Variants in PRKG1 observed in about 807,000 individuals in gnomAD.
PRKG1 encodes the protein cGMP-dependent protein kinase 1.
Under a neutral mutation model 88.1 loss-of-function variants are expected in PRKG1, and 35 were observed. The ratio of observed to expected loss-of-function variants is 0.40; its 90% CI spans 0.30 to 0.53. The LOEUF is 0.53. PRKG1 is among the 20% of genes least tolerant of loss of function. PRKG1 has a pLI of 0.59. For synonymous variants in PRKG1, 303 were observed against 292.5 expected, an observed-to-expected ratio of 1.04 and a Z score of -0.37; for missense variants, 540 against 839.8, an observed-to-expected ratio of 0.64 and a Z score of 4.41.
At chr10:51,347,441 G>A (rs937944568) in intron 2 of PRKG1, among the ~76,000 whole-genome samples, 3 of 152,096 alleles carry the variant, frequency 2.0e-5, no homozygotes, top group Non-Finnish European at 4.4e-5. Flanking sequence ...TGGAACTCTT[G>A]ATACTTTTAT....
intron 3 of PRKG1, among the ~76,000 whole-genome samples, chr10:51,631,056 C>T (rs1213619695): frequency 2.6e-5 from 4 of 152,158 alleles, no homozygotes; most frequent in East Asian, 1.9e-4. Context: ...GTTGGATAGC[C>T]GGTCACCACA....
At chr10:51,924,109 G>A (rs1842521649) in intron 5 of PRKG1, among the ~76,000 whole-genome samples, 1 of 152,068 alleles carries the variant, frequency 6.6e-6, no homozygotes, top group African/African-American at 2.4e-5. Flanking sequence ...AAAGGCATGA[G>A]CCACCACACC....
chr10:51,077,511 C>T (rs959227913), intron 1 of PRKG1, among the ~76,000 whole-genome samples: 19 of 152,056 alleles, frequency 1.2e-4, no homozygotes, highest in South Asian at 6.2e-4. Context: ...AGGTTGCCTT[C>T]TGAGGATTAT....
intron 2 of PRKG1, among the ~76,000 whole-genome samples, chr10:51,447,473 A>C (rs1336220830): frequency 6.6e-6 from 1 of 152,076 alleles, no homozygotes; most frequent in East Asian, 1.9e-4. Context: ...TCTAATGGCC[A>C]ACACAAAAAC....
chr10:52,079,239 T>G (rs1354475210), intron 7 of PRKG1, among the ~76,000 whole-genome samples: 1 of 152,204 alleles, frequency 6.6e-6, no homozygotes, highest in Non-Finnish European at 1.5e-5. Context: ...CCTTTTCCAC[T>G]GTAATTCAGA....
At chr10:51,816,384 C>T (rs901323718) in intron 4 of PRKG1, among the ~76,000 whole-genome samples, 3 of 151,982 alleles carry the variant, frequency 2.0e-5, no homozygotes, top group African/African-American at 7.3e-5. Flanking sequence ...AATAATAGAA[C>T]AAATACTTGT....
intron 1 of PRKG1, among the ~76,000 whole-genome samples, chr10:51,083,235 G>C (rs932379736): frequency 1.3e-5 from 2 of 152,144 alleles, no homozygotes; most frequent in Non-Finnish European, 2.9e-5. Flanking sequence ...TGTTCAGTGG[G>C]TAAGTTTGTT....
At chr10:51,294,419 A>G (rs1367506536) in intron 2 of PRKG1, among the ~76,000 whole-genome samples, 1 of 152,056 alleles carries the variant, frequency 6.6e-6, no homozygotes, top group African/African-American at 2.4e-5. Context: ...GTTCAATTTC[A>G]TTCTTCTGTG....
At chr10:51,955,419 A>G (rs947038586) in intron 5 of PRKG1, among the ~76,000 whole-genome samples, 4 of 152,148 alleles carry the variant, frequency 2.6e-5, no homozygotes, top group Admixed American at 1.3e-4. Flanking sequence ...AGGATTTTTC[A>G]TATGTACTAT....
chr10:52,207,859 C>T (rs1038695241), intron 9 of PRKG1, among the ~76,000 whole-genome samples: 3 of 152,130 alleles, frequency 2.0e-5, no homozygotes, highest in African/African-American at 7.2e-5. Flanking sequence ...CCCTTCTCCA[C>T]TCTCAATGCC....
chr10:51,441,453 C>A (rs1260914493), intron 2 of PRKG1, among the ~76,000 whole-genome samples: 1 of 151,800 alleles, frequency 6.6e-6, no homozygotes, highest in African/African-American at 2.4e-5. Flanking sequence ...ATTGACATTC[C>A]TCCCCTAGCA....
chr10:51,852,611 GTTA>G (rs1840587451), intron 4 of PRKG1, among the ~76,000 whole-genome samples: 1 of 152,020 alleles, frequency 6.6e-6, no homozygotes, highest in Admixed American at 6.6e-5. Flanking sequence ...GCCTGTCCTT[GTTA>G]TTATTCCTTG....
chr10:51,963,120 A>T (rs1222500472), intron 5 of PRKG1, among the ~76,000 whole-genome samples: 1 of 152,202 alleles, frequency 6.6e-6, no homozygotes, highest in African/African-American at 2.4e-5. Context: ...AAGGTAAAAA[A>T]AATTAACTGG....
At chr10:51,624,107 C>T (rs1243434018) in intron 3 of PRKG1, among the ~76,000 whole-genome samples, 1 of 152,082 alleles carries the variant, frequency 6.6e-6, no homozygotes, top group Non-Finnish European at 1.5e-5. Flanking sequence ...TAAGCCAGGC[C>T]TTTGATTCAT....
chr10:51,755,421 C>T (rs1304234893), intron 3 of PRKG1, among the ~76,000 whole-genome samples: 2 of 152,130 alleles, frequency 1.3e-5, no homozygotes, highest in Non-Finnish European at 2.9e-5. Flanking sequence ...ACTATCTCAC[C>T]TAGTAAACAA....
chr10:52,173,158 T>C (rs777077637), intron 9 of PRKG1, among the ~76,000 whole-genome samples: 1 of 152,260 alleles, frequency 6.6e-6, no homozygotes, highest in Non-Finnish European at 1.5e-5. Context: ...GTCTATGTTG[T>C]AACAAAGGTT....
chr10:51,971,931 C>A (rs1307746405), intron 5 of PRKG1, among the ~76,000 whole-genome samples: 1 of 152,156 alleles, frequency 6.6e-6, no homozygotes, highest in Non-Finnish European at 1.5e-5. Flanking sequence ...AATCCACTAT[C>A]TAGATATAAC....
At chr10:51,853,466 C>T (rs994975988) in intron 4 of PRKG1, among the ~76,000 whole-genome samples, 1 of 152,076 alleles carries the variant, frequency 6.6e-6, no homozygotes, top group Non-Finnish European at 1.5e-5. Flanking sequence ...AAATAAAACA[C>T]CCATTATAAT....
intron 2 of PRKG1, among the ~76,000 whole-genome samples, chr10:51,412,504 C>T (rs1418816037): frequency 6.6e-6 from 1 of 152,114 alleles, no homozygotes; most frequent in Non-Finnish European, 1.5e-5. Context: ...ATTAGCCAAG[C>T]GTGGTGGTGC....
Sources: allele counts gnomAD v4.1 joint callset (sites outside exome capture counted in the v4.1 genomes callset), GRCh38; gene constraint gnomAD v4.1.1; transcripts MANE v1.5; gene names NCBI Gene and HGNC (gene_info 2026-07-23, HGNC 2026-07-21).